ANKUB1: variants seen among roughly 807,000 people sequenced by gnomAD.
The protein encoded by ANKUB1 is ankyrin repeat and ubiquitin domain containing 1, also known as protein ANKUB1.
A neutral mutation model predicts 49.3 loss-of-function variants in ANKUB1; 42 were observed. The ratio of observed to expected loss-of-function variants is 0.85; its 90% confidence interval spans 0.67 to 1.10. The LOEUF is 1.10. ANKUB1 is among the 50% of genes least tolerant of loss of function. The pLI is 0.00. For synonymous variants in ANKUB1, 222 were observed against 231.0 expected (o/e 0.96, Z 0.35); for missense variants, 613 against 642.0 (o/e 0.95, Z 0.49).
rs1559859010 is a variant in ANKUB1, at chr3:149,761,277, T to C, written c.*207A>G. 3 of 493,228 alleles carry C rather than the reference T, an allele frequency of 6.1e-6. No homozygotes were observed. Among genetic ancestry groups the C allele is most frequent in the Non-Finnish European group, 1.0e-5 (3 of 297,414 alleles). 30.6% of individuals were successfully genotyped at this position (493,228 alleles called of 1,614,324 possible). Reference sequence around the variant, plus strand: ...TAAGTTTCTTCTGAATTCTTCCTCATATTCTTTATGCAAAAATAGCACTAA... The same window carrying C: ...TAAGTTTCTTCTGAATTCTTCCTCACATTCTTTATGCAAAAATAGCACTAA... On this transcript the variant is annotated 3_prime_UTR_variant, in exon 6 of 6. Coordinates refer to ENST00000446160, the MANE Select transcript of ANKUB1 (RefSeq NM_001144960.3).
chr3:149,766,758 A>G (rs1263288788), intron 5 of ANKUB1: 3 of 907,198 alleles, frequency 3.3e-6, no homozygotes, highest in Non-Finnish European at 5.1e-6. Flanking sequence ...TGATAGCACC[A>G]CTGCACTCCA....
In ANKUB1 at chr3:149,767,681, A is replaced by G. The variant is rs2108264321; in HGVS notation, c.981T>C (p.Ser327=). Reference sequence around the variant, plus strand: ...CTCCACAAAACTGGCTTTTATGAAGACTGTGACTCTGAGCTCTGAGGATCC... The same window carrying G: ...CTCCACAAAACTGGCTTTTATGAAGGCTGTGACTCTGAGCTCTGAGGATCC... ...KQWILRAQSH[S]LHKSQFCGAR... Residue 327 remains serine, a synonymous_variant, in exon 5 of 6, where the codon AGT becomes AGC. Coordinates refer to ENST00000446160, the MANE Select transcript of ANKUB1 (RefSeq NM_001144960.3). 6.4e-7 allele frequency: 1 copy of G among 1,551,682 alleles called. No homozygotes were observed. Among genetic ancestry groups the G allele is most frequent in the East Asian group, 2.4e-5 (1 of 40,922 alleles).
intron 2 of ANKUB1, among the ~76,000 whole-genome samples, chr3:149,785,865 A>T (rs1329103390): frequency 1.3e-5 from 2 of 152,128 alleles, no homozygotes; most frequent in Non-Finnish European, 2.9e-5. Flanking sequence ...GAACTAGTTT[A>T]CAGTCCCACC....
At chr3:149,787,348 A>G (rs1036347412) in intron 2 of ANKUB1, among the ~76,000 whole-genome samples, 2 of 151,990 alleles carry the variant, frequency 1.3e-5, no homozygotes, top group Admixed American at 6.6e-5. Context: ...GTGAATGGGA[A>G]TTCACTCATG....
chr3:149,777,500 C>CAACA (rs553178860), intron 3 of ANKUB1, among the ~76,000 whole-genome samples: 3 of 151,332 alleles, frequency 2.0e-5, no homozygotes, highest in African/African-American at 7.3e-5. Flanking sequence ...ACAACAACAA[C>CAACA]AAAAAAACAC....
At chr3:149,775,088 G>A (rs1018473206) in intron 3 of ANKUB1, among the ~76,000 whole-genome samples, 10 of 152,140 alleles carry the variant, frequency 6.6e-5, no homozygotes, top group African/African-American at 2.4e-4. Flanking sequence ...TTCTGTGCTT[G>A]CAAACGTATC....
intron 1 of ANKUB1, among the ~76,000 whole-genome samples, chr3:149,791,248 A>G (rs1718345183): frequency 6.6e-6 from 1 of 152,198 alleles, no homozygotes; most frequent in African/African-American, 2.4e-5. Context: ...AGATGTTTTC[A>G]TATCACATTA....
chr3:149,764,585 TCCCTCCCTTCCTTCCTCCCTCCCTCCCTC>T (rs1716917745), intron 5 of ANKUB1, among the ~76,000 whole-genome samples: 1 of 72,440 alleles, frequency 1.4e-5, no homozygotes, highest in African/African-American at 5.8e-5. Flanking sequence ...CCTCCCTCCC[TCCCTCCCTTCCTTCCTCCCTCCCTCCCTC>T]CTCTCCTCCC....
Position 149,790,872 on chromosome 3 carries a change from T to A in ANKUB1, c.143A>T (p.Glu48Val). 9.7e-6 allele frequency: 15 copies of A among 1,552,112 alleles called. No individual in the cohort carries two copies. Among genetic ancestry groups the A allele is most frequent in the Non-Finnish European group, 1.3e-5 (15 of 1,147,048 alleles). The change falls in exon 2 of 6, where the codon GAG becomes GTG. Residue 48 changes from glutamate to valine, a missense_variant. Physicochemically the swap from Glu to Val is moderately radical, Grantham distance 121. Coordinates refer to ENST00000446160, the MANE Select transcript of ANKUB1 (RefSeq NM_001144960.3). ...SEDKQGRRYLELMYAGAALKD... is the reference protein window; with the variant it reads ...SEDKQGRRYLVLMYAGAALKD... ...TAGAGCAGCTCCAGCATACATTAAC[T>A]CCAGATACCGCCTGCCTTGTTTGTC...
At position 149,790,864 on chromosome 3, in the gene ANKUB1, A is replaced by G. The variant is rs1408311734; in HGVS notation, c.151T>C (p.Tyr51His). 1.9e-6 allele frequency: 3 copies of G among 1,552,094 alleles called. No individual in the cohort carries two copies. Among genetic ancestry groups the G allele is most frequent in the Non-Finnish European group, 2.6e-6 (3 of 1,147,078 alleles). Residue 51 changes from tyrosine (Y) to histidine (H), a missense_variant, in exon 2 of 6, where the codon TAT (tyrosine) becomes CAT (histidine). Tyr to His is a moderately conservative substitution (Grantham distance 83). Coordinates refer to ENST00000446160, the MANE Select transcript of ANKUB1 (RefSeq NM_001144960.3). Reference protein sequence around the residue: ...KQGRRYLELMYAGAALKDSWS... With the variant: ...KQGRRYLELMHAGAALKDSWS... ...CTGTCCTTTAGAGCAGCTCCAGCAT[A>G]CATTAACTCCAGATACCGCCTGCCT...
At chr3:149,773,357 C>G (rs1393575557) in intron 3 of ANKUB1, among the ~76,000 whole-genome samples, 1 of 152,160 alleles carries the variant, frequency 6.6e-6, no homozygotes, top group African/African-American at 2.4e-5. Context: ...TATTTGCATA[C>G]TTGTTTACTC....
intron 3 of ANKUB1, 43 bp downstream of exon 3, chr3:149,780,196 C>G: frequency 2.0e-6 from 3 of 1,513,292 alleles, no homozygotes; most frequent in Non-Finnish European, 2.7e-6. Flanking sequence ...TCAAAGGACC[C>G]TAGTGCCAAA....
chr3:149,787,383 T>C (rs1235952235), intron 2 of ANKUB1, among the ~76,000 whole-genome samples: 2 of 152,220 alleles, frequency 1.3e-5, no homozygotes, highest in Non-Finnish European at 2.9e-5. Flanking sequence ...CTGTTATAGG[T>C]GTATAGGAAT....
chr3:149,762,236 A>G (rs1716812198), intron 5 of ANKUB1, among the ~76,000 whole-genome samples: 1 of 152,104 alleles, frequency 6.6e-6, no homozygotes. Flanking sequence ...TCATTTACTC[A>G]CTGTTTAAAT....
At chr3:149,773,123 C>G (rs192555094) in intron 3 of ANKUB1, among the ~76,000 whole-genome samples, 2 of 152,144 alleles carry the variant, frequency 1.3e-5, no homozygotes, top group African/African-American at 4.8e-5. Context: ...GAGTCTCCCC[C>G]TTTCAGTTGC....
chr3:149,778,751 G>C (rs1190280212), intron 3 of ANKUB1: 1 of 152,140 alleles, frequency 6.6e-6, no homozygotes, highest in Non-Finnish European at 1.5e-5. Context: ...TCAAAGTTTT[G>C]AGAGCCTTAA....
At chr3:149,775,020 A>G (rs73870405) in intron 3 of ANKUB1, among the ~76,000 whole-genome samples, 3,772 of 152,278 alleles carry the variant, frequency 0.025, 58 homozygotes, top group Non-Finnish European at 0.03. Flanking sequence ...TTAGTTTTGG[A>G]TTTTTAAAAA....
In ANKUB1 at chr3:149,768,905, G is replaced by A. The variant is rs747577492; in HGVS notation, c.567-810C>T. 7.9e-5 allele frequency among the ~76,000 whole-genome samples: 12 copies of A among 152,014 alleles called. 1 individual carries two copies. In the South Asian group the frequency reaches 1.7e-3, roughly 21 times the overall value. On this transcript the variant is annotated intron_variant, in intron 4 of 5. Coordinates refer to ENST00000446160, the MANE Select transcript of ANKUB1 (RefSeq NM_001144960.3). Reference sequence around the variant, plus strand: ...TGTAAAATAAGATTAAAAAGTGTCCGCCTCATCAAATTGTTACAAGCATAA... The same window carrying A: ...TGTAAAATAAGATTAAAAAGTGTCCACCTCATCAAATTGTTACAAGCATAA...
chr3:149,769,770 T>C (rs777201148), intron 4 of ANKUB1, among the ~76,000 whole-genome samples: 15 of 152,234 alleles, frequency 9.9e-5, no homozygotes, highest in Non-Finnish European at 1.9e-4. Context: ...TTTTACACCA[T>C]TGTAAGTTGA....
Sources: allele counts gnomAD v4.1 joint callset (sites outside exome capture counted in the v4.1 genomes callset), GRCh38; gene constraint gnomAD v4.1.1; transcripts MANE v1.5; gene names NCBI Gene and HGNC (gene_info 2026-07-23, HGNC 2026-07-21).